Variants in RUFY1 observed in about 807,000 individuals in gnomAD.
RUFY1 encodes the protein RUN and FYVE domain-containing protein 1.
Under a neutral mutation model 94.6 loss-of-function variants are expected in RUFY1, and 54 were observed. That is an observed-to-expected ratio of 0.57 (90% CI 0.46 to 0.72). The LOEUF is 0.72. Among genes scored for constraint, RUFY1 ranks in the 30% least tolerant of loss-of-function variants. The pLI is 0.00. For synonymous variants in RUFY1, 396 were observed against 347.3 expected, an observed-to-expected ratio of 1.14 and a Z score of -1.56; for missense variants, 883 against 883.9, an observed-to-expected ratio of 1.00 and a Z score of 0.01.
Position 179,601,936 on chromosome 5 carries a change from C to G in RUFY1, c.1806C>G (p.Ile602Met). 1 of 1,610,496 alleles carries G rather than the reference C, an allele frequency of 6.2e-7. No individual in the cohort carries two copies. The highest frequency in any genetic ancestry group is 1.1e-5 in the South Asian group (1 of 91,026). ...LQDEKAELQK[I>M]CEEQEQALQE... ...ACGAGAAGGCAGAGCTGCAGAAGAT[C>G]TGCGAGGAGCAGGAACAAGCCCTCC... The change falls in exon 15 of 18, where the codon ATC (isoleucine) becomes ATG (methionine). Residue 602 changes from isoleucine to methionine, a missense_variant. Coordinates refer to ENST00000319449, the MANE Select transcript of RUFY1 (RefSeq NM_025158.5).
intron 3 of RUFY1, among the ~76,000 whole-genome samples, chr5:179,563,796 T>C (rs1216150943): frequency 6.6e-6 from 1 of 151,718 alleles, no homozygotes; most frequent in East Asian, 2.0e-4. Flanking sequence ...CTCAGCCTCC[T>C]GAGTAGCTGG....
intron 17 of RUFY1, 126 bp from the exon 18 acceptor site, chr5:179,609,250 C>T (rs1202325184): frequency 2.2e-6 from 2 of 891,512 alleles, no homozygotes; most frequent in Non-Finnish European, 3.4e-6. Context: ...CACAGCCCCT[C>T]ACCACCCCAC....
intron 13 of RUFY1, 143 bp from the exon 14 acceptor site, chr5:179,598,549 A>G (rs4701136): frequency 0.77 from 682,897 of 884,920 alleles, 264,756 homozygotes; most frequent in East Asian, 0.88. Context: ...GTGACCCTGG[A>G]GGAGAGGGAA....
At chr5:179,602,644 C>T (rs758677242) in intron 15 of RUFY1, 2 of 152,342 alleles carry the variant, frequency 1.3e-5, no homozygotes, top group South Asian at 2.1e-4. Flanking sequence ...CTTTTCTCCT[C>T]GAGTCAGGGC....
intron 15 of RUFY1, among the ~76,000 whole-genome samples, chr5:179,602,943 T>G (rs1766598347): frequency 6.6e-6 from 1 of 152,174 alleles, no homozygotes; most frequent in Non-Finnish European, 1.5e-5. Context: ...CACAGCCTGG[T>G]CTGCACCAGA....
At chr5:179,567,671 A>G in intron 4 of RUFY1, 109 bp downstream of exon 4, 1 of 697,272 alleles carries the variant, frequency 1.4e-6, no homozygotes, top group South Asian at 1.7e-5. Flanking sequence ...GGCCAAGATC[A>G]GGTGGATTGC....
chr5:179,599,752 C>G (rs1028871407), intron 14 of RUFY1: 2 of 152,490 alleles, frequency 1.3e-5, no homozygotes, highest in Non-Finnish European at 2.9e-5. Flanking sequence ...ATGGCGTGCC[C>G]TCTTCTCAGG....
intron 4 of RUFY1, among the ~76,000 whole-genome samples, chr5:179,568,025 A>T (rs1422079630): frequency 6.6e-6 from 1 of 152,232 alleles, no homozygotes; most frequent in African/African-American, 2.4e-5. Context: ...CAGGCTGATC[A>T]CTTGAGGTCA....
chr5:179,555,803 A>ATT (rs11382569), intron 1 of RUFY1: 4,478 of 243,454 alleles, frequency 0.018, 229 homozygotes, highest in African/African-American at 0.11. Context: ...AATTTTTTGG[A>ATT]TTTTTTTTTT....
chr5:179,599,319 ATTGGCTCCTG>A (rs1439575090), intron 14 of RUFY1: 2 of 153,746 alleles, frequency 1.3e-5, no homozygotes, highest in Non-Finnish European at 2.9e-5. Context: ...GCGGATGGTC[ATTGGCTCCTG>A]TGTGGAGAGT....
intron 5 of RUFY1, among the ~76,000 whole-genome samples, chr5:179,570,420 G>T (rs1196400274): frequency 2.0e-5 from 3 of 152,176 alleles, no homozygotes; most frequent in African/African-American, 7.2e-5. Flanking sequence ...GGGAAGTCAG[G>T]TTGATAAAAT....
intron 7 of RUFY1, among the ~76,000 whole-genome samples, chr5:179,584,813 T>C (rs1764467943): frequency 6.6e-6 from 1 of 151,968 alleles, no homozygotes; most frequent in Non-Finnish European, 1.5e-5. Context: ...ATAATATTTT[T>C]TAAATGGGGA....
intron 5 of RUFY1, among the ~76,000 whole-genome samples, chr5:179,575,400 T>G (rs1485335123): frequency 2.6e-5 from 4 of 152,154 alleles, no homozygotes; most frequent in Non-Finnish European, 5.9e-5. Flanking sequence ...ATGGCAGGGG[T>G]TTCTTGGACA....
intron 8 of RUFY1, 77 bp from the exon 9 acceptor site, chr5:179,589,469 A>G: frequency 1.1e-6 from 1 of 916,132 alleles, no homozygotes; most frequent in Non-Finnish European, 1.8e-6. Flanking sequence ...AACTGTGAAG[A>G]TGCCAAATTA....
Position 179,550,598 on chromosome 5 carries a change from C to G in RUFY1, c.29C>G (p.Ala10Gly), listed in dbSNP as rs762942511. 1 of 1,312,714 alleles carries G rather than the reference C, an allele frequency of 7.6e-7. No homozygotes were observed. Among genetic ancestry groups the G allele is most frequent in the Non-Finnish European group, 9.6e-7 (1 of 1,037,032 alleles). 81.3% of individuals were successfully genotyped at this position (1,312,714 alleles called of 1,614,324 possible). A position where few individuals can be genotyped will look rare whatever the true frequency, so the allele number is the denominator to read the frequency against. The change falls in exon 1 of 18, where the codon GCT (alanine) becomes GGT (glycine). Residue 10 changes from alanine to glycine, a missense_variant. Transcript: ENST00000319449. Reference sequence around the variant, plus strand: ...GCCGACCGGGAAGGCGGCTGCGCTGCTGGGCGGGGGCGGGAGCTGGAGCCG... The same window carrying G: ...GCCGACCGGGAAGGCGGCTGCGCTGGTGGGCGGGGGCGGGAGCTGGAGCCG... MADREGGCA[A>G]GRGRELEPEL... is the part of the protein sequence containing the mutation.
intron 17 of RUFY1, 107 bp from the exon 18 acceptor site, chr5:179,609,269 A>G: frequency 8.3e-7 from 1 of 1,212,000 alleles, no homozygotes; most frequent in Non-Finnish European, 1.2e-6. Context: ...ACAGAAACAT[A>G]AGAACCCATT....
At chr5:179,608,235 C>T (rs1157997879) in intron 17 of RUFY1, 6 of 950,600 alleles carry the variant, frequency 6.3e-6, no homozygotes, top group South Asian at 4.8e-5. Flanking sequence ...ACACTGCCAG[C>T]GCCACCCACC....
At chr5:179,591,962 T>TC (rs577978437) in intron 10 of RUFY1, among the ~76,000 whole-genome samples, 99 of 152,354 alleles carry the variant, frequency 6.5e-4, no homozygotes, top group Middle Eastern at 3.4e-3. Flanking sequence ...GGGTTTTTTT[T>TC]CAAGACGGAG....
chr5:179,563,407 G>A (rs1437233379), intron 3 of RUFY1, among the ~76,000 whole-genome samples: 1 of 152,138 alleles, frequency 6.6e-6, no homozygotes, highest in Non-Finnish European at 1.5e-5. Context: ...AGCTGTTAGT[G>A]TCCTCATCTA....
Sources: allele counts gnomAD v4.1 joint callset (sites outside exome capture counted in the v4.1 genomes callset), GRCh38; gene constraint gnomAD v4.1.1; transcripts MANE v1.5; gene names NCBI Gene and HGNC (gene_info 2026-07-23, HGNC 2026-07-21).